AKAP8: variants seen among roughly 807,000 people sequenced by gnomAD.
AKAP8 encodes A-kinase anchoring protein 8.
In AKAP8, 24 loss-of-function variants were observed where a neutral mutation model predicts 67.5. The observed-to-expected ratio is 0.36, with a 90% CI of 0.26 to 0.50. AKAP8 has a LOEUF of 0.50. Ranked by LOEUF, AKAP8 falls within the 20% of genes least tolerant of loss-of-function variation. AKAP8 has a pLI of 0.97. For synonymous variants in AKAP8, 400 were observed against 371.1 expected (o/e 1.08, Z -0.90); for missense variants, 971 against 955.9 (o/e 1.02, Z -0.21).
At chr19:15,360,826 C>G (rs750238286) in intron 12 of AKAP8, 22 bp downstream of exon 12, 1 of 1,607,362 alleles carries the variant, frequency 6.2e-7, no homozygotes, top group Admixed American at 1.7e-5. Context: ...GCACCCCAGG[C>G]AGTGTGGGGA....
At chr19:15,372,091 C>T in intron 6 of AKAP8, 93 bp from the exon 7 acceptor site, 2 of 1,609,556 alleles carry the variant, frequency 1.2e-6, no homozygotes. Context: ...GTGAGTCTGC[C>T]CTGACCACAG....
Position 15,362,226 on chromosome 19 carries a change from T to G in AKAP8, c.1186A>C (p.Lys396Gln). The change falls in exon 10 of 14, where the codon AAG becomes CAG. Residue 396 changes from lysine (K) to glutamine (Q), a missense_variant. Lys to Gln is a moderately conservative substitution (Grantham distance 53). This residue lies in a region of AKAP8 where 763 missense variants were observed against 745.4 expected (regional missense o/e 1.02). Transcript: ENST00000269701. ...DRIQFACSVC[K>Q]FRSFDDEEIQ... Reference sequence around the variant, plus strand: ...TCTTCGTCATCAAAGCTACGGAACTTGCATACAGAACAGGCAAACTGAATT... The same window carrying G: ...TCTTCGTCATCAAAGCTACGGAACTGGCATACAGAACAGGCAAACTGAATT... The G allele has an allele frequency of 6.2e-7, 1 of 1,614,112 alleles. No individual in the cohort carries two copies. Among genetic ancestry groups the G allele is most frequent in the Non-Finnish European group, 8.5e-7 (1 of 1,180,004 alleles).
intron 9 of AKAP8, among the ~76,000 whole-genome samples, 183 bp downstream of exon 9, chr19:15,368,052 T>G (rs1021695652): frequency 1.3e-4 from 20 of 152,266 alleles, no homozygotes; most frequent in Non-Finnish European, 2.8e-4. Flanking sequence ...GCTCGTGTGC[T>G]GGGAGCACGA....
At position 15,379,623 on chromosome 19, in the gene AKAP8, G is replaced by C. The variant is rs1420917342; in HGVS notation, c.19+90C>G. ...CAGCTGGGGCAACCACGCTCGGGACGAAGGCCCGGCCGGCGGCAGTCTGCG... is the reference window on the plus strand; with the variant it reads ...CAGCTGGGGCAACCACGCTCGGGACCAAGGCCCGGCCGGCGGCAGTCTGCG... On this transcript the variant is annotated intron_variant, in intron 1 of 13. Transcript: ENST00000269701. 4 of 1,476,588 alleles carry C rather than the reference G, an allele frequency of 2.7e-6. No homozygotes were observed. In the African/African-American group the frequency reaches 4.4e-5, roughly 16 times the overall value. The allele number at this position is 1,476,588 out of a possible 1,614,324, so 91.5% of individuals were successfully genotyped here.
intron 9 of AKAP8, among the ~76,000 whole-genome samples, chr19:15,367,330 C>T (rs1391609952): frequency 6.6e-6 from 1 of 152,106 alleles, no homozygotes. Context: ...GAGTTTAAGA[C>T]CAGCCTTGCC....
At position 15,374,405 on chromosome 19, in the gene AKAP8, C is replaced by T. The variant is rs548500091; in HGVS notation, c.91+198G>A. Among the ~76,000 whole-genome samples, 8 of 152,342 alleles carry T rather than the reference C, an allele frequency of 5.3e-5. No individual in the cohort carries two copies. The East Asian group carries it at 1.5e-3, about 29-fold the overall frequency. On this transcript the variant is annotated intron_variant, in intron 3 of 13. Transcript: ENST00000269701. ...CTCCCAAAGCACGGTCGCAGTCCTC[C>T]CCATCATGCTCCCCTGAGGCCGCCC...
At chr19:15,378,508 G>A (rs1027254154) in intron 1 of AKAP8, among the ~76,000 whole-genome samples, 1 of 152,180 alleles carries the variant, frequency 6.6e-6, no homozygotes, top group East Asian at 1.9e-4. Context: ...AGATCTGATG[G>A]GAAAGAAGGG....
At chr19:15,374,559 G>A (rs1967219338) in intron 3 of AKAP8, 44 bp downstream of exon 3, 1 of 1,604,264 alleles carries the variant, frequency 6.2e-7, no homozygotes, top group South Asian at 1.1e-5. Context: ...TCAGATCAGA[G>A]GCCCACTTGC....
chr19:15,355,246 G>A lies in AKAP8; in HGVS notation c.1748C>T (p.Thr583Ile), dbSNP rs774133689. The A allele has an allele frequency of 4.3e-6, 7 of 1,612,092 alleles. No individual in the cohort carries two copies. Among genetic ancestry groups the A allele is most frequent in the Non-Finnish European group, 5.9e-6 (7 of 1,180,044 alleles). ...CCCATCTACGGCCCTCACTGCTGCT[G>A]TAATCACCTCTGCTAAGACGTCCGC... Reference protein sequence around the residue: ...VAADVLAEVITAAVRAVDGEG... With the variant: ...VAADVLAEVIIAAVRAVDGEG... Residue 583 changes from threonine to isoleucine, a missense_variant, in exon 14 of 14, where the codon ACA (threonine) becomes ATA (isoleucine). Physicochemically the swap from Thr to Ile is moderately conservative, Grantham distance 89. Coordinates refer to ENST00000269701, the MANE Select transcript of AKAP8 (RefSeq NM_005858.4).
intron 1 of AKAP8, chr19:15,379,354 G>A (rs1599578304): frequency 1.1e-5 from 3 of 284,908 alleles, no homozygotes; most frequent in Non-Finnish European, 2.0e-5. Context: ...TTCGGAAGAG[G>A]AAGCCGGGAG....
chr19:15,371,851 A>C, intron 7 of AKAP8, 101 bp downstream of exon 7: 1 of 1,358,622 alleles, frequency 7.4e-7, no homozygotes, highest in South Asian at 1.2e-5. Context: ...AGAGGTAGTC[A>C]AATCTACCAT....
At chr19:15,363,155 C>T (rs1184465962) in intron 9 of AKAP8, among the ~76,000 whole-genome samples, 15 of 149,458 alleles carry the variant, frequency 1.0e-4, no homozygotes, top group South Asian at 2.1e-4. Context: ...GGAGCCCCTC[C>T]GCCCAGCAGC....
At chr19:15,377,141 ACCCCACC>A in intron 1 of AKAP8, 127 bp from the exon 2 acceptor site, 1 of 1,023,992 alleles carries the variant, frequency 9.8e-7, no homozygotes, top group Non-Finnish European at 1.4e-6. Context: ...ACTCCCCCCC[ACCCCACC>A]AAAAAAAAGC....
At chr19:15,367,846 TA>T (rs1391683740) in intron 9 of AKAP8, among the ~76,000 whole-genome samples, 2 of 152,226 alleles carry the variant, frequency 1.3e-5, no homozygotes, top group African/African-American at 2.4e-5. Context: ...GACACCAGGC[TA>T]GGGGGCAGGG....
chr19:15,368,339 C>T lies in AKAP8; in HGVS notation c.1073-17G>A. The T allele has an allele frequency of 6.2e-7, 1 of 1,613,356 alleles. No individual in the cohort carries two copies. Among genetic ancestry groups the T allele is most frequent in the Non-Finnish European group, 8.5e-7 (1 of 1,179,936 alleles). ...CCTTCTCTCCTGTAACAGACAAGTC[C>T]CTTCGAGACGCTCTGAGTGGCCTGC... On this transcript the variant is annotated splice_polypyrimidine_tract_variant and intron_variant, in intron 8 of 13. Transcript: ENST00000269701.
chr19:15,375,037 G>GT (rs1967228213), intron 2 of AKAP8, among the ~76,000 whole-genome samples: 1 of 152,172 alleles, frequency 6.6e-6, no homozygotes, highest in African/African-American at 2.4e-5. Flanking sequence ...GCAAAGTCAC[G>GT]TCCTCAACTC....
chr19:15,372,850 C>T lies in AKAP8; in HGVS notation c.861+1G>A. The T allele has an allele frequency of 6.7e-7, 1 of 1,500,870 alleles. No homozygotes were observed. The highest frequency in any genetic ancestry group is 8.9e-7 in the Non-Finnish European group (1 of 1,125,786). 93.0% of individuals were successfully genotyped at this position (1,500,870 alleles called of 1,614,324 possible). On this transcript the variant is annotated splice_donor_variant, in intron 5 of 13. Transcript: ENST00000269701. LOFTEE classifies it high-confidence loss of function. ...CCGGAAGGAACCTTGCGAGGGCTTA[C>T]CCGATCCCGATCCCGCATCCGAGGC...
At chr19:15,374,104 C>CACG (rs1352442764) in intron 3 of AKAP8, 39 bp from the exon 4 acceptor site, 1 of 1,523,416 alleles carries the variant, frequency 6.6e-7, no homozygotes, top group Non-Finnish European at 8.8e-7. Flanking sequence ...CTTCAGCAGC[C>CACG]ACGAGGCCTG....
intron 13 of AKAP8, 39 bp downstream of exon 13, chr19:15,358,928 T>A (rs746140417): frequency 6.3e-7 from 1 of 1,588,208 alleles, no homozygotes; most frequent in East Asian, 2.2e-5. Context: ...TCTTCCCTTT[T>A]GAAAGCTTTT....
Sources: gnomAD v4.1 joint callset for allele counts (sites outside exome capture counted in the v4.1 genomes callset) on GRCh38, gnomAD v4.1.1 for gene constraint, gnomAD v4.1.1 regional missense constraint, MANE v1.5 for transcripts, NCBI Gene and HGNC (gene_info 2026-07-23, HGNC 2026-07-21) for gene names.